The following OR2L13 variants were observed in gnomAD, a reference collection of about 807,000 sequenced individuals.
The protein encoded by OR2L13 is olfactory receptor family 2 subfamily L member 13.
A neutral mutation model predicts 15.3 loss-of-function variants in OR2L13; 14 were observed. That is an observed-to-expected ratio of 0.91 (90% CI 0.60 to 1.43). The LOEUF (loss-of-function observed/expected upper bound fraction) is 1.43, where lower values mean the gene tolerates loss of function less well. OR2L13 is among the 40% of genes most tolerant of loss of function. OR2L13 has a pLI of 0.00. For synonymous variants in OR2L13, 152 were observed against 142.9 expected, an observed-to-expected ratio of 1.06 and a Z score of -0.45; for missense variants, 367 against 387.9, an observed-to-expected ratio of 0.95 and a Z score of 0.45.
the OR2L13 span, among the ~76,000 whole-genome samples, chr1:248,071,009 A>G: frequency 6.6e-6 from 1 of 152,194 alleles, no homozygotes; most frequent in Admixed American, 6.5e-5. Context: ...AAAAGAGTCC[A>G]GGACCAGATG....
the OR2L13 span, among the ~76,000 whole-genome samples, chr1:248,008,670 C>T: frequency 6.6e-6 from 1 of 152,110 alleles, no homozygotes; most frequent in Non-Finnish European, 1.5e-5. Context: ...TTTAACTCAG[C>T]TCTGGACCAA....
the OR2L13 span, chr1:248,022,257 A>G: frequency 6.2e-7 from 1 of 1,614,108 alleles, no homozygotes; most frequent in Admixed American, 1.7e-5. Flanking sequence ...TTTCTTCTTC[A>G]TGACTTTTGC....
the OR2L13 span, among the ~76,000 whole-genome samples, chr1:248,067,812 G>C: frequency 6.6e-5 from 10 of 152,342 alleles, no homozygotes; most frequent in East Asian, 7.7e-4. Context: ...CTTTTCCGAC[G>C]GGCTTAAAAA....
chr1:247,967,045 C>CCACACA, the OR2L13 span, among the ~76,000 whole-genome samples: 5 of 147,508 alleles, frequency 3.4e-5, no homozygotes, highest in Admixed American at 6.8e-5. Flanking sequence ...ACACCACACA[C>CCACACA]CACACACACA....
the OR2L13 span, among the ~76,000 whole-genome samples, chr1:248,045,378 G>A: frequency 6.6e-6 from 1 of 152,126 alleles, no homozygotes; most frequent in Non-Finnish European, 1.5e-5. Flanking sequence ...GAGAAGTAGC[G>A]TATTTCAAGA....
the OR2L13 span, among the ~76,000 whole-genome samples, chr1:247,989,610 A>T: frequency 4.6e-5 from 7 of 152,204 alleles, no homozygotes; most frequent in Non-Finnish European, 1.0e-4. Context: ...GTGACAAAAT[A>T]AGATATTTTT....
chr1:248,090,545 T>G (rs1295829775), upstream of OR2L13, among the ~76,000 whole-genome samples: 1 of 152,200 alleles, frequency 6.6e-6, no homozygotes, highest in Non-Finnish European at 1.5e-5. Flanking sequence ...AGTTTTTGGC[T>G]TGTAGTTCCT....
the OR2L13 span, among the ~76,000 whole-genome samples, chr1:248,042,987 A>C: frequency 6.6e-6 from 1 of 152,216 alleles, no homozygotes; most frequent in Non-Finnish European, 1.5e-5. Context: ...GACACTAGTA[A>C]GGTCTGAAAA....
the OR2L13 span, among the ~76,000 whole-genome samples, chr1:248,072,044 C>T: frequency 1.3e-5 from 2 of 151,236 alleles, no homozygotes; most frequent in Non-Finnish European, 3.0e-5. Context: ...TGAAAATGGC[C>T]ATACTGCCCA....
At chr1:248,040,450 T>A in the OR2L13 span, 1 of 152,172 alleles carries the variant, frequency 6.6e-6, no homozygotes, top group African/African-American at 2.4e-5. Context: ...GGTCCACATA[T>A]ATGTGGATTT....
At chr1:248,081,896 A>G in the OR2L13 span, among the ~76,000 whole-genome samples, 1 of 152,266 alleles carries the variant, frequency 6.6e-6, no homozygotes, top group Middle Eastern at 3.4e-3. Context: ...TTGTTCTAAA[A>G]CAAGCCCCTT....
At chr1:248,083,037 T>G in the OR2L13 span, among the ~76,000 whole-genome samples, 53 of 152,304 alleles carry the variant, frequency 3.5e-4, no homozygotes, top group South Asian at 0.011. Context: ...AGGTTTGCCT[T>G]TAAACACCAA....
At chr1:248,028,891 G>A in the OR2L13 span, among the ~76,000 whole-genome samples, 12 of 152,136 alleles carry the variant, frequency 7.9e-5, no homozygotes, top group Non-Finnish European at 1.8e-4. Flanking sequence ...TAGGTTTTGA[G>A]TTTAACAAAA....
the OR2L13 span, among the ~76,000 whole-genome samples, chr1:248,077,225 G>A: frequency 6.6e-6 from 1 of 152,224 alleles, no homozygotes; most frequent in African/African-American, 2.4e-5. Flanking sequence ...TTTTTGATGT[G>A]CTGCTGGATT....
the OR2L13 span, among the ~76,000 whole-genome samples, chr1:248,081,974 C>G: frequency 6.6e-6 from 1 of 152,066 alleles, no homozygotes; most frequent in African/African-American, 2.4e-5. Context: ...TACATTGTCC[C>G]TGGAAGCTTT....
chr1:248,093,606 C>T (rs745618281), upstream of OR2L13, among the ~76,000 whole-genome samples: 2 of 152,170 alleles, frequency 1.3e-5, no homozygotes, highest in Admixed American at 6.5e-5. Context: ...CGTACTTCAT[C>T]GTATTTGCAT....
At chr1:248,095,729 C>G (rs79995249), upstream of OR2L13, among the ~76,000 whole-genome samples, 559 of 148,986 alleles carry the variant, frequency 3.8e-3, 7 homozygotes, top group African/African-American at 0.013. Context: ...GCCTCAGCCT[C>G]CCGAGTGGAT....
the OR2L13 span, among the ~76,000 whole-genome samples, chr1:248,044,537 C>A: frequency 2.3e-5 from 2 of 85,182 alleles, no homozygotes; most frequent in Non-Finnish European, 3.9e-5. Flanking sequence ...GGCGCGGTGG[C>A]TCACGCCTGT....
chr1:247,956,619 T>C, the OR2L13 span, among the ~76,000 whole-genome samples: 2 of 151,910 alleles, frequency 1.3e-5, no homozygotes, highest in African/African-American at 4.8e-5. Flanking sequence ...TTTCATTTCA[T>C]TGAGCAGTGG....
Sources: allele counts gnomAD v4.1 joint callset (sites outside exome capture counted in the v4.1 genomes callset), GRCh38; gene constraint gnomAD v4.1.1; transcripts MANE v1.5; gene names NCBI Gene and HGNC (gene_info 2026-07-23, HGNC 2026-07-21).